KAZN: variants seen among roughly 807,000 people sequenced by gnomAD.
KAZN encodes the protein kazrin.
In KAZN, 40 loss-of-function variants were observed where a neutral mutation model predicts 87.4. The ratio of observed to expected loss-of-function variants is 0.46; its 90% CI spans 0.36 to 0.60. The LOEUF is 0.60. KAZN is among the 20% of genes least tolerant of loss of function. The pLI is 0.00. For missense variants in KAZN, 898 were observed against 1,073.9 expected (o/e 0.84, Z 2.29); for synonymous variants, 466 against 458.3 (o/e 1.02, Z -0.22).
At chr1:14,612,536 G>A (rs147611151) in intron 1 of KAZN, among the ~76,000 whole-genome samples, 41 of 152,322 alleles carry the variant, frequency 2.7e-4, no homozygotes, top group African/African-American at 9.4e-4. Context: ...GTGATATGAT[G>A]TAGGTACTGT....
intron 1 of KAZN, among the ~76,000 whole-genome samples, chr1:13,905,212 C>A (rs1639393483): frequency 6.6e-6 from 1 of 152,104 alleles, no homozygotes; most frequent in African/African-American, 2.4e-5. Context: ...ATTTTATAAT[C>A]CAATTCTGGC....
At position 14,508,286 on chromosome 1, in the gene KAZN, G is replaced by A. The variant is rs946558130; in HGVS notation, c.250-90697G>A. 1.4e-4 allele frequency among the ~76,000 whole-genome samples: 22 copies of A among 152,096 alleles called. 1 individual carries two copies. The highest frequency in any genetic ancestry group is 4.6e-4 in the Admixed American group (7 of 15,264). ...GACTTGTTGAAGCTCAGGTGTTCCC[G>A]AGACAGCCAACCAGAGAGAGCTCAT... On this transcript the variant is annotated intron_variant, in intron 2 of 16. Transcript: ENST00000636203.
At chr1:14,035,988 T>C (rs935842218) in intron 1 of KAZN, among the ~76,000 whole-genome samples, 6 of 152,332 alleles carry the variant, frequency 3.9e-5, no homozygotes, top group Middle Eastern at 3.4e-3. Flanking sequence ...TACAAAGGTC[T>C]TAGGAAATGA....
intron 1 of KAZN, among the ~76,000 whole-genome samples, chr1:13,969,410 A>G (rs541593611): frequency 6.6e-6 from 1 of 152,318 alleles, no homozygotes; most frequent in Non-Finnish European, 1.5e-5. Context: ...AAACCAAATG[A>G]AGATGGAGGC....
At position 14,960,853 on chromosome 1, in the gene KAZN, C is replaced by T. The variant is rs564734728; in HGVS notation, c.396C>T (p.Ala132=). 1.7e-5 allele frequency: 27 copies of T among 1,609,154 alleles called. No homozygotes were observed. In the African/African-American group the frequency reaches 3.3e-4, roughly 20 times the overall value. ...TGGCCCAGAAGGAGCAGGAGCTAGCCAGAGCCAAAGAAGCCTTGCAGGGTG... is the reference window on the plus strand; with the variant it reads ...TGGCCCAGAAGGAGCAGGAGCTAGCTAGAGCCAAAGAAGCCTTGCAGGGTG... ...VQLAQKEQEL[A]RAKEALQAMK... Residue 132 remains alanine, a synonymous_variant, in exon 2 of 15, where the codon GCC becomes GCT. Transcript: ENST00000376030.
intron 1 of KAZN, among the ~76,000 whole-genome samples, chr1:14,098,382 T>G (rs1351243899): frequency 2.0e-5 from 3 of 152,164 alleles, no homozygotes; most frequent in Non-Finnish European, 2.9e-5. Flanking sequence ...TGGGTTTTAT[T>G]TTGCCAGTGG....
chr1:15,096,174 C>A lies in KAZN; in HGVS notation c.1547+1241C>A, dbSNP rs1223922521. Among the ~76,000 whole-genome samples, 6 of 152,306 alleles carry A rather than the reference C, an allele frequency of 3.9e-5. No homozygotes were observed. The East Asian group carries it at 1.2e-3, about 29-fold the overall frequency. ...TCACCCAAGTAGGAAATCCCTCCTG[C>A]CCCCTTACCCCACACCCAGCAGGGT... On this transcript the variant is annotated intron_variant, in intron 10 of 14. Transcript: ENST00000376030. The surrounding 1 kb of genome is among the most constrained non-coding windows in gnomAD (Gnocchi z 4.5).
intron 2 of KAZN, among the ~76,000 whole-genome samples, chr1:15,023,510 G>A (rs1433443913): frequency 6.6e-6 from 1 of 152,150 alleles, no homozygotes; most frequent in Non-Finnish European, 1.5e-5. Flanking sequence ...GGACAGCCAG[G>A]AGGCCAGGGC....
At chr1:14,491,994 C>T (rs1047130878) in intron 2 of KAZN, among the ~76,000 whole-genome samples, 1 of 152,072 alleles carries the variant, frequency 6.6e-6, no homozygotes, top group Non-Finnish European at 1.5e-5. Context: ...AATTATCAGC[C>T]CCATGCTTAC....
chr1:14,022,251 G>A (rs1257136042), intron 1 of KAZN, among the ~76,000 whole-genome samples: 1 of 151,710 alleles, frequency 6.6e-6, no homozygotes, highest in Non-Finnish European at 1.5e-5. Context: ...AGTTCATTAA[G>A]TTCGGTCATG....
rs1667854895 is a variant in KAZN at position 14,996,284 on chromosome 1, G to A, written c.418+35409G>A. On this transcript the variant is annotated intron_variant, in intron 2 of 14. Coordinates refer to ENST00000376030, the MANE Select transcript of KAZN (RefSeq NM_201628.3). The surrounding 1 kb of genome is among the most constrained non-coding windows in gnomAD (Gnocchi z 5.9). The stretch of plus-strand genomic sequence containing the variant: ...CGTGTGTCTCTGTCCACCCAGACCA[G>A]CAAGCAGGATGACTCACACCTTCCC... Among the ~76,000 whole-genome samples the A allele has an allele frequency of 6.6e-6, 1 of 152,080 alleles. No individual in the cohort carries two copies. Among genetic ancestry groups the A allele is most frequent in the Admixed American group, 6.5e-5 (1 of 15,278 alleles).
chr1:14,419,976 T>G (rs957836010), intron 2 of KAZN, among the ~76,000 whole-genome samples: 1 of 152,152 alleles, frequency 6.6e-6, no homozygotes, highest in African/African-American at 2.4e-5. Context: ...GGATTGCCAC[T>G]CCCGGCTCCG....
intron 2 of KAZN, among the ~76,000 whole-genome samples, chr1:14,356,115 T>C (rs939142722): frequency 6.6e-6 from 1 of 152,182 alleles, no homozygotes; most frequent in Admixed American, 6.5e-5. Flanking sequence ...TTTTAATGAT[T>C]GCCATTCTAG....
chr1:14,093,324 A>G (rs2101625234), intron 1 of KAZN, among the ~76,000 whole-genome samples: 1 of 152,176 alleles, frequency 6.6e-6, no homozygotes. Flanking sequence ...TGGACCACCA[A>G]CCCCTGTGCT....
chr1:14,906,059 C>T (rs1040159580), intron 1 of KAZN, among the ~76,000 whole-genome samples: 8 of 151,504 alleles, frequency 5.3e-5, no homozygotes, highest in East Asian at 1.9e-4. Flanking sequence ...CCCAGCTACT[C>T]GGGAAGCTGA....
intron 1 of KAZN, among the ~76,000 whole-genome samples, chr1:14,152,135 G>A (rs1468159851): frequency 6.6e-6 from 1 of 151,882 alleles, no homozygotes; most frequent in Non-Finnish European, 1.5e-5. Context: ...GGGTAAATGG[G>A]GCATCCATCA....
At chr1:14,809,766 G>C (rs1340514552) in intron 1 of KAZN, among the ~76,000 whole-genome samples, 1 of 152,190 alleles carries the variant, frequency 6.6e-6, no homozygotes, top group South Asian at 2.1e-4. Flanking sequence ...CTGCATGCCT[G>C]TAGACCCGGG....
chr1:14,473,932 G>A (rs574610845), intron 2 of KAZN, among the ~76,000 whole-genome samples: 1 of 152,258 alleles, frequency 6.6e-6, no homozygotes, highest in Admixed American at 6.5e-5. Context: ...CCTTGATCAG[G>A]TGATCTGAAG....
At chr1:14,475,710 T>C (rs140435654) in intron 2 of KAZN, among the ~76,000 whole-genome samples, 46 of 152,336 alleles carry the variant, frequency 3.0e-4, no homozygotes, top group African/African-American at 1.1e-3. Context: ...GGAGGGCTCT[T>C]GTGAGTATGT....
Sources: gnomAD v4.1 joint callset for allele counts (sites outside exome capture counted in the v4.1 genomes callset) on GRCh38, gnomAD v4.1.1 for gene constraint, Gnocchi (gnomAD v3.1) non-coding constraint, MANE v1.5 for transcripts, NCBI Gene and HGNC (gene_info 2026-07-23, HGNC 2026-07-21) for gene names.